Variants in ATG10 observed in about 807,000 individuals in gnomAD.
The protein encoded by ATG10 is ubiquitin-like-conjugating enzyme ATG10.
A neutral mutation model predicts 32.1 loss-of-function variants in ATG10; 30 were observed. The observed-to-expected ratio is 0.94, with a 90% CI of 0.70 to 1.27. The LOEUF is 1.27. Ranked by LOEUF, ATG10 falls within the 50% of genes most tolerant of loss-of-function variation. The pLI is 0.00. For missense variants in ATG10, 233 were observed against 262.3 expected (o/e 0.89, Z 0.77); for synonymous variants, 87 against 91.5 (o/e 0.95, Z 0.28).
chr5:81,984,628 G>T (rs996210585), intron 1 of ATG10, among the ~76,000 whole-genome samples: 1 of 152,144 alleles, frequency 6.6e-6, no homozygotes, highest in African/African-American at 2.4e-5. Context: ...TGCCATTATT[G>T]CTCAATAAGC....
At chr5:82,251,423 T>C (rs1442288926) in intron 5 of ATG10, among the ~76,000 whole-genome samples, 1 of 152,196 alleles carries the variant, frequency 6.6e-6, no homozygotes, top group African/African-American at 2.4e-5. Context: ...AAATAAATTA[T>C]GCCAACACTT....
At chr5:82,032,225 G>A (rs531599166) in intron 2 of ATG10, among the ~76,000 whole-genome samples, 1 of 152,194 alleles carries the variant, frequency 6.6e-6, no homozygotes, top group Admixed American at 6.5e-5. Context: ...TTTTTGATTT[G>A]CCTGAATGGT....
chr5:82,115,616 A>G (rs961235720), intron 3 of ATG10, among the ~76,000 whole-genome samples: 3 of 152,070 alleles, frequency 2.0e-5, no homozygotes, highest in African/African-American at 7.2e-5. Context: ...TTTAAGTTTA[A>G]TCAATTTTTT....
chr5:81,986,928 C>T (rs922756356), intron 1 of ATG10, among the ~76,000 whole-genome samples: 6 of 151,804 alleles, frequency 4.0e-5, no homozygotes, highest in Admixed American at 2.0e-4. Flanking sequence ...CTGTAATCCC[C>T]GCTCCTCGAG....
intron 5 of ATG10, among the ~76,000 whole-genome samples, chr5:82,219,083 GCTT>G (rs1347705833): frequency 2.6e-5 from 4 of 152,156 alleles, no homozygotes; most frequent in South Asian, 4.1e-4. Context: ...ACAGAGCAAA[GCTT>G]CTTAGACAAG....
At chr5:82,161,072 T>C (rs1743310913) in intron 3 of ATG10, among the ~76,000 whole-genome samples, 1 of 152,186 alleles carries the variant, frequency 6.6e-6, no homozygotes, top group African/African-American at 2.4e-5. Context: ...AAGCAGAATA[T>C]GTGTAGAAGT....
intron 3 of ATG10, among the ~76,000 whole-genome samples, chr5:82,108,080 C>T (rs1170672018): frequency 6.6e-6 from 1 of 151,918 alleles, no homozygotes; most frequent in African/African-American, 2.4e-5. Flanking sequence ...CCTTGAAATC[C>T]GTGCTAAGTG....
At chr5:82,234,694 T>C (rs571084576) in intron 5 of ATG10, among the ~76,000 whole-genome samples, 1 of 152,326 alleles carries the variant, frequency 6.6e-6, no homozygotes, top group South Asian at 2.1e-4. Flanking sequence ...TTACAATAAT[T>C]ATATGTCAAC....
At chr5:82,024,207 A>G (rs1762530138) in intron 2 of ATG10, among the ~76,000 whole-genome samples, 1 of 152,194 alleles carries the variant, frequency 6.6e-6, no homozygotes, top group Admixed American at 6.5e-5. Context: ...ATGTATCCCA[A>G]GTGGCTCTTT....
rs1256790948 is a variant in ATG10, at chr5:82,146,151, C to T, written c.217-18248C>T. ...GTACAGGCCTGGTGGTAATGAATTG[C>T]CTTAGTGTTCCTTTTGTAGAAAATT... On this transcript the variant is annotated intron_variant, in intron 3 of 7. Transcript: ENST00000282185. 2.6e-5 allele frequency among the ~76,000 whole-genome samples: 4 copies of T among 152,026 alleles called. No homozygotes were observed. The East Asian group carries it at 7.7e-4, about 29-fold the overall frequency.
intron 1 of ATG10, chr5:81,973,135 T>G (rs1760773224): frequency 6.6e-6 from 1 of 152,200 alleles, no homozygotes; most frequent in East Asian, 1.9e-4. Context: ...GCCATTTTTC[T>G]TTTCTTTTTT....
At chr5:82,235,679 C>T (rs1008476763) in intron 5 of ATG10, among the ~76,000 whole-genome samples, 10 of 152,166 alleles carry the variant, frequency 6.6e-5, no homozygotes, top group African/African-American at 9.7e-5. Flanking sequence ...TGACAGTATC[C>T]TCTACTGACA....
intron 1 of ATG10, among the ~76,000 whole-genome samples, chr5:81,978,374 C>T (rs1581557652): frequency 6.6e-6 from 1 of 152,252 alleles, no homozygotes; most frequent in Middle Eastern, 3.4e-3. Flanking sequence ...CTTTCTGTCT[C>T]TTCTTATTTT....
chr5:82,092,759 A>G (rs1316386829), intron 3 of ATG10, among the ~76,000 whole-genome samples: 2 of 152,200 alleles, frequency 1.3e-5, no homozygotes, highest in East Asian at 3.8e-4. Context: ...AAGCTCAGCC[A>G]GATATTAGGG....
At chr5:82,033,649 G>A (rs1179455407) in intron 2 of ATG10, among the ~76,000 whole-genome samples, 1 of 151,586 alleles carries the variant, frequency 6.6e-6, no homozygotes, top group African/African-American at 2.4e-5. Flanking sequence ...GTGCATCACT[G>A]CTCAATTTTT....
intron 3 of ATG10, among the ~76,000 whole-genome samples, chr5:82,138,442 A>G (rs1766862672): frequency 6.6e-6 from 1 of 152,096 alleles, no homozygotes; most frequent in African/African-American, 2.4e-5. Context: ...ACCCTTCTTC[A>G]AGGCACTGTT....
At chr5:82,071,799 T>C (rs1297947240) in intron 3 of ATG10, among the ~76,000 whole-genome samples, 1 of 152,170 alleles carries the variant, frequency 6.6e-6, no homozygotes, top group African/African-American at 2.4e-5. Context: ...CAGAGGGGTA[T>C]TAGGCTAGCT....
intron 3 of ATG10, among the ~76,000 whole-genome samples, chr5:82,087,350 GTAA>G (rs920293203): frequency 9.2e-5 from 14 of 152,072 alleles, no homozygotes; most frequent in Admixed American, 6.6e-4. Flanking sequence ...AAAGTGCTAT[GTAA>G]TAATGGAAAT....
chr5:82,211,559 A>G (rs1278158674), intron 5 of ATG10, among the ~76,000 whole-genome samples: 1 of 152,018 alleles, frequency 6.6e-6, no homozygotes, highest in Non-Finnish European at 1.5e-5. Context: ...TCTTTTAGCT[A>G]TTGTCGTCAA....
Sources: allele counts gnomAD v4.1 joint callset (sites outside exome capture counted in the v4.1 genomes callset), GRCh38; gene constraint gnomAD v4.1.1; transcripts MANE v1.5; gene names NCBI Gene and HGNC (gene_info 2026-07-23, HGNC 2026-07-21).